KCNH1: variants seen among roughly 807,000 people sequenced by gnomAD.
KCNH1 encodes the protein voltage-gated delayed rectifier potassium channel KCNH1.
KCNH1 carries 27 observed loss-of-function variants against 69.2 expected under a neutral mutation model. That is an observed-to-expected ratio of 0.39 (90% CI 0.29 to 0.54). The LOEUF is 0.54. Ranked by LOEUF, KCNH1 falls within the 20% of genes least tolerant of loss-of-function variation. The pLI is 0.68. For missense variants in KCNH1, 798 were observed against 1,261.6 expected, an observed-to-expected ratio of 0.63 and a Z score of 5.57; for synonymous variants, 456 against 487.7, an observed-to-expected ratio of 0.93 and a Z score of 0.86.
chr1:210,993,996 C>T (rs1174680843), intron 6 of KCNH1, among the ~76,000 whole-genome samples: 2 of 152,014 alleles, frequency 1.3e-5, no homozygotes, highest in Non-Finnish European at 2.9e-5. Context: ...AGTAATGATG[C>T]ACTATATAAA....
chr1:210,826,997 A>T (rs1370965573), intron 7 of KCNH1, among the ~76,000 whole-genome samples: 1 of 152,260 alleles, frequency 6.6e-6, no homozygotes, highest in South Asian at 2.1e-4. Flanking sequence ...GACTGAATAT[A>T]AATTTACCTT....
intron 10 of KCNH1, among the ~76,000 whole-genome samples, chr1:210,709,957 T>C (rs979760093): frequency 2.0e-5 from 3 of 152,210 alleles, no homozygotes; most frequent in Admixed American, 6.5e-5. Context: ...ACCTGTGATA[T>C]AGATACAGTC....
At chr1:210,951,876 A>G (rs964267298) in intron 6 of KCNH1, among the ~76,000 whole-genome samples, 1 of 152,102 alleles carries the variant, frequency 6.6e-6, no homozygotes, top group African/African-American at 2.4e-5. Flanking sequence ...TGTCTTTTCT[A>G]GAACGTTCTC....
intron 6 of KCNH1, among the ~76,000 whole-genome samples, chr1:211,001,616 G>A (rs1384697214): frequency 6.6e-6 from 1 of 152,134 alleles, no homozygotes; most frequent in Non-Finnish European, 1.5e-5. Flanking sequence ...CGATTCCTCA[G>A]GGATCTAGAA....
In KCNH1 at chr1:210,683,577, C is replaced by T. The variant is rs779806357; in HGVS notation, c.2674G>A (p.Asp892Asn). The change falls in exon 11 of 11, where the codon GAC becomes AAC. Residue 892 changes from aspartate (D) to asparagine (N), a missense_variant. By Grantham distance (23) the Asp-to-Asn change is conservative. Around this residue, in one of 4 missense-constraint regions of KCNH1, gnomAD observed 331 missense variants for 363.2 expected, o/e 0.91. Transcript: ENST00000271751. The surrounding 1 kb of genome is among the most constrained non-coding windows in gnomAD (Gnocchi z 5.7). ...SGITKSDLRL[D>N]NVGEARSPQD... ...GGACTCCTGGCCTCACCCACGTTGT[C>T]CAGGCGCAAGTCGCTCTTGGTGATG... The T allele has an allele frequency of 6.2e-7, 1 of 1,614,158 alleles. No individual in the cohort carries two copies. Among genetic ancestry groups the T allele is most frequent in the Non-Finnish European group, 8.5e-7 (1 of 1,180,024 alleles).
chr1:210,714,335 G>C (rs768433361), intron 10 of KCNH1, among the ~76,000 whole-genome samples: 5 of 152,202 alleles, frequency 3.3e-5, no homozygotes, highest in African/African-American at 7.2e-5. Flanking sequence ...GTAGACAAAA[G>C]GGTTTATAAT....
chr1:210,906,238 G>C (rs1050544504), intron 7 of KCNH1, among the ~76,000 whole-genome samples: 3 of 152,232 alleles, frequency 2.0e-5, no homozygotes, highest in African/African-American at 4.8e-5. Flanking sequence ...CAGGTCTCTA[G>C]GGCCCAGATG....
At chr1:210,853,693 T>A (rs1207946230) in intron 7 of KCNH1, among the ~76,000 whole-genome samples, 1 of 152,148 alleles carries the variant, frequency 6.6e-6, no homozygotes, top group Non-Finnish European at 1.5e-5. Context: ...CTTGGAAGAT[T>A]TATCAGGTCT....
intron 7 of KCNH1, chr1:210,861,992 T>G: frequency 1.3e-6 from 1 of 762,128 alleles, no homozygotes; most frequent in East Asian, 2.4e-5. Flanking sequence ...GGATGGATAA[T>G]GGCTTCTACA....
At chr1:210,822,123 T>A (rs1684941943) in intron 7 of KCNH1, among the ~76,000 whole-genome samples, 1 of 151,844 alleles carries the variant, frequency 6.6e-6, no homozygotes, top group South Asian at 2.1e-4. Flanking sequence ...AGAGATGTGG[T>A]ATGGTCAGGG....
Position 210,713,406 on chromosome 1 carries a change from T to A in KCNH1, c.2113-29268A>T, listed in dbSNP as rs1558435185. On this transcript the variant is annotated intron_variant, in intron 10 of 10. Transcript: ENST00000271751. Reference sequence around the variant, plus strand: ...TTCAGCACTGAAGATGCAGTTCTGCTCTGACTTTGGGGAATGTGGTCTGTT... The same window carrying A: ...TTCAGCACTGAAGATGCAGTTCTGCACTGACTTTGGGGAATGTGGTCTGTT... 2.6e-5 allele frequency among the ~76,000 whole-genome samples: 4 copies of A among 152,148 alleles called. No individual in the cohort carries two copies. The South Asian group carries it at 6.2e-4, about 24-fold the overall frequency.
At chr1:211,026,491 C>T (rs1453576087) in intron 5 of KCNH1, among the ~76,000 whole-genome samples, 1 of 151,986 alleles carries the variant, frequency 6.6e-6, no homozygotes, top group East Asian at 1.9e-4. Flanking sequence ...AACCACTCTA[C>T]TATAACCATA....
chr1:210,852,035 C>A (rs1450728771), intron 7 of KCNH1, among the ~76,000 whole-genome samples: 1 of 152,138 alleles, frequency 6.6e-6, no homozygotes, highest in Non-Finnish European at 1.5e-5. Flanking sequence ...AATAAGGAAA[C>A]AAATATATAT....
chr1:210,845,284 AT>A (rs1290187438), intron 7 of KCNH1, among the ~76,000 whole-genome samples: 1 of 151,552 alleles, frequency 6.6e-6, no homozygotes, highest in East Asian at 1.9e-4. Flanking sequence ...AAAAAAGAGA[AT>A]TTTAGACCAA....
At chr1:210,749,369 G>C (rs1558453437) in intron 10 of KCNH1, among the ~76,000 whole-genome samples, 2 of 152,116 alleles carry the variant, frequency 1.3e-5, no homozygotes, top group Non-Finnish European at 2.9e-5. Flanking sequence ...ATTTTCACTA[G>C]AGAGAGAAAA....
intron 10 of KCNH1, among the ~76,000 whole-genome samples, chr1:210,708,417 C>T (rs958248500): frequency 3.3e-5 from 5 of 151,912 alleles, no homozygotes; most frequent in African/African-American, 1.2e-4. Flanking sequence ...TAAGAACAGG[C>T]TTCTGCTTGA....
chr1:210,809,235 T>A (rs1397474344), intron 7 of KCNH1, among the ~76,000 whole-genome samples: 1 of 152,154 alleles, frequency 6.6e-6, no homozygotes, highest in Admixed American at 6.5e-5. Context: ...TTTTCTTAAA[T>A]TTTTCCTGGA....
intron 10 of KCNH1, among the ~76,000 whole-genome samples, chr1:210,736,554 A>T (rs1019850833): frequency 6.6e-6 from 1 of 151,912 alleles, no homozygotes; most frequent in African/African-American, 2.4e-5. Flanking sequence ...CCCTCCAAAA[A>T]AAAATTACCC....
chr1:210,936,729 T>C (rs1687781506), intron 6 of KCNH1, among the ~76,000 whole-genome samples: 1 of 152,204 alleles, frequency 6.6e-6, no homozygotes. Flanking sequence ...ATGGGAAACT[T>C]TAATGTCCAT....
Sources: gnomAD v4.1 joint callset for allele counts (sites outside exome capture counted in the v4.1 genomes callset) on GRCh38, gnomAD v4.1.1 for gene constraint, gnomAD v4.1.1 regional missense constraint, Gnocchi (gnomAD v3.1) non-coding constraint, MANE v1.5 for transcripts, NCBI Gene and HGNC (gene_info 2026-07-23, HGNC 2026-07-21) for gene names.